The following SKA1 variants were observed in gnomAD, a reference collection of about 807,000 sequenced individuals.
SKA1 encodes the protein SKA complex subunit 1.
SKA1 carries 20 observed loss-of-function variants against 31.8 expected under a neutral mutation model. That is an observed-to-expected ratio of 0.63 (90% CI 0.44 to 0.91). The LOEUF (loss-of-function observed/expected upper bound fraction) is 0.91. Ranked by LOEUF, SKA1 falls within the 40% of genes least tolerant of loss-of-function variation. The probability of loss-of-function intolerance (pLI) is 0.00; values close to 1 mark genes in which losing one functional copy is unlikely to be tolerated. For synonymous variants in SKA1, 88 were observed against 100.5 expected, an observed-to-expected ratio of 0.88 and a Z score of 0.74; for missense variants, 253 against 298.2, an observed-to-expected ratio of 0.85 and a Z score of 1.12.
intron 1 of SKA1, 59 bp from the exon 2 acceptor site, chr18:50,375,761 G>A: frequency 8.8e-7 from 1 of 1,137,880 alleles, no homozygotes; most frequent in East Asian, 2.4e-5. Flanking sequence ...GATTTCGAAA[G>A]TGAACAGAAA....
At chr18:50,384,652 A>G (rs1394319864) in intron 4 of SKA1, among the ~76,000 whole-genome samples, 2 of 141,982 alleles carry the variant, frequency 1.4e-5, no homozygotes, top group Non-Finnish European at 3.0e-5. Flanking sequence ...AGGGGTTAGA[A>G]CAATGAGATC....
At chr18:50,375,721 A>G in intron 1 of SKA1, 99 bp from the exon 2 acceptor site, 1 of 707,672 alleles carries the variant, frequency 1.4e-6, no homozygotes. Context: ...CTTCAAAGAC[A>G]TGTGATTTAC....
rs1425922869 is a variant in SKA1, at chr18:50,375,192, G to C, written c.-14G>C. ...TAGCCTTTTGCTCCCGGACGGACTT[G>C]AGGTTGGAGTCTGTGTGTTGGGGAC... On this transcript the variant is annotated splice_region_variant and 5_prime_UTR_variant, in exon 1 of 7. Transcript: ENST00000285116. The C allele has an allele frequency of 6.6e-6, 1 of 152,544 alleles. No individual in the cohort carries two copies. The highest frequency in any genetic ancestry group is 1.9e-4 in the East Asian group (1 of 5,202). The allele number at this position is 152,544 out of a possible 1,614,324, so 9.4% of individuals were successfully genotyped here. A position where few individuals can be genotyped will look rare whatever the true frequency, so the allele number is the denominator to read the frequency against.
chr18:50,388,855 A>G (rs2149322844), intron 5 of SKA1, among the ~76,000 whole-genome samples: 1 of 152,252 alleles, frequency 6.6e-6, no homozygotes, highest in East Asian at 1.9e-4. Context: ...GGTTCCTGGA[A>G]GTAAAACTCA....
At chr18:50,385,737 T>A (rs1450381370) in intron 5 of SKA1, among the ~76,000 whole-genome samples, 5 of 151,730 alleles carry the variant, frequency 3.3e-5, no homozygotes, top group Non-Finnish European at 7.3e-5. Flanking sequence ...CCCGCACTTG[T>A]TTGAGCCTGT....
chr18:50,377,166 C>G (rs979707566), intron 2 of SKA1, among the ~76,000 whole-genome samples: 1 of 151,938 alleles, frequency 6.6e-6, no homozygotes, highest in Non-Finnish European at 1.5e-5. Context: ...ATTGTATGTG[C>G]TGTACTTTTG....
intron 2 of SKA1, 85 bp downstream of exon 2, chr18:50,376,003 G>C (rs1397384067): frequency 1.0e-5 from 8 of 793,122 alleles, no homozygotes; most frequent in Non-Finnish European, 1.6e-5. Flanking sequence ...GCTTGGTTAA[G>C]TGACTGCATC....
chr18:50,381,418 T>C (rs9304398), intron 3 of SKA1, among the ~76,000 whole-genome samples: 104,315 of 152,128 alleles, frequency 0.69, 35,941 homozygotes, highest in East Asian at 0.81. Context: ...TGTGATAATA[T>C]GGTTGCTGTT....
intron 5 of SKA1, among the ~76,000 whole-genome samples, chr18:50,386,449 T>C (rs8096072): frequency 0.41 from 61,613 of 152,016 alleles, 13,066 homozygotes; most frequent in East Asian, 0.62. Context: ...TACAGAAAAA[T>C]TGAGCAGATA....
chr18:50,383,152 C>G (rs1331974574), intron 4 of SKA1, among the ~76,000 whole-genome samples: 2 of 152,164 alleles, frequency 1.3e-5, no homozygotes, highest in African/African-American at 4.8e-5. Context: ...GCTTTTTCCC[C>G]GAGGCCCTAA....
At chr18:50,380,745 A>G (rs143095463) in intron 3 of SKA1, among the ~76,000 whole-genome samples, 3 of 152,358 alleles carry the variant, frequency 2.0e-5, no homozygotes, top group South Asian at 2.1e-4. Flanking sequence ...GTTCTCAGGT[A>G]AAGAAAAACT....
At position 50,393,141 on chromosome 18, in the gene SKA1, G is replaced by A. The variant is rs2149324781; in HGVS notation, c.*894G>A. The stretch of plus-strand genomic sequence containing the variant: ...TAAAAAATGCTCATGTCCAGTTTTT[G>A]TGTTGAGTGAACAATGCTGCAGACC... On this transcript the variant is annotated 3_prime_UTR_variant, in exon 7 of 7. Coordinates refer to ENST00000285116, the MANE Select transcript of SKA1 (RefSeq NM_145060.4). 1 of 152,364 alleles carries A rather than the reference G, an allele frequency of 6.6e-6. No homozygotes were observed. The highest frequency in any genetic ancestry group is 2.4e-5 in the African/African-American group (1 of 41,558). 9.4% of individuals were successfully genotyped at this position (152,364 alleles called of 1,614,324 possible). A position where few individuals can be genotyped will look rare whatever the true frequency, so the allele number is the denominator to read the frequency against.
At position 50,391,184 on chromosome 18, in the gene SKA1, G is replaced by A; in HGVS notation, c.510G>A (p.Lys170=). ...QINDVIKEIN[K]AVISKYKILH... ...ATGATGTTATTAAAGAAATCAACAA[G>A]GCAGTAATTAGTAAATATAAAATCC... The change falls in exon 6 of 7, where the codon AAG becomes AAA. Residue 170 remains lysine, a synonymous_variant. Coordinates refer to ENST00000285116, the MANE Select transcript of SKA1 (RefSeq NM_145060.4). 1 of 1,597,172 alleles carries A rather than the reference G, an allele frequency of 6.3e-7. No individual in the cohort carries two copies. The highest frequency in any genetic ancestry group is 8.5e-7 in the Non-Finnish European group (1 of 1,172,180).
chr18:50,386,489 GCA>G (rs972955684), intron 5 of SKA1, among the ~76,000 whole-genome samples: 2 of 152,132 alleles, frequency 1.3e-5, no homozygotes, highest in African/African-American at 2.4e-5. Flanking sequence ...CTTCTCCCCT[GCA>G]CACAGTTTTC....
At chr18:50,392,039 A>G in intron 6 of SKA1, 60 bp from the exon 7 acceptor site, 1 of 1,346,638 alleles carries the variant, frequency 7.4e-7, no homozygotes, top group Non-Finnish European at 1.0e-6. Context: ...AACTTAATGT[A>G]TTAAAGACTC....
chr18:50,389,336 T>TG (rs921929872), intron 5 of SKA1, among the ~76,000 whole-genome samples: 15 of 149,926 alleles, frequency 1.0e-4, no homozygotes, highest in Non-Finnish European at 1.8e-4. Context: ...AGTCTTTTTC[T>TG]GGGGGGGAGA....
At chr18:50,388,484 A>T (rs1568330801) in intron 5 of SKA1, among the ~76,000 whole-genome samples, 1 of 152,166 alleles carries the variant, frequency 6.6e-6, no homozygotes, top group Non-Finnish European at 1.5e-5. Context: ...GCTAAGTGTT[A>T]GTTCACTAAT....
intron 2 of SKA1, among the ~76,000 whole-genome samples, chr18:50,379,166 G>A (rs918844159): frequency 6.6e-6 from 1 of 152,138 alleles, no homozygotes; most frequent in Non-Finnish European, 1.5e-5. Flanking sequence ...TTTCTTCTGT[G>A]CTTTTAATCT....
rs35073697 is a variant in SKA1 at position 50,376,812 on chromosome 18, A to ATT, written c.88+902_88+903dup. Among the ~76,000 whole-genome samples the ATT allele has an allele frequency of 4.2e-3, 636 of 150,228 alleles. 5 individuals are homozygous for ATT. The highest frequency in any genetic ancestry group is 6.8e-3 in the Middle Eastern group (2 of 294). On this transcript the variant is annotated intron_variant, in intron 2 of 6. Transcript: ENST00000285116. Reference sequence around the variant, plus strand: ...TTATATCTTTATGAGCTTTTTTTCTATTTTTTTTTAACTTTTTAAAATTTT... The same window carrying ATT: ...TTATATCTTTATGAGCTTTTTTTCTATTTTTTTTTTTAACTTTTTAAAATTTT...
Sources: allele counts gnomAD v4.1 joint callset (sites outside exome capture counted in the v4.1 genomes callset), GRCh38; gene constraint gnomAD v4.1.1; transcripts MANE v1.5; gene names NCBI Gene and HGNC (gene_info 2026-07-23, HGNC 2026-07-21).